Variants in SVEP1 observed in about 807,000 individuals in gnomAD.
The protein encoded by SVEP1 is sushi, von Willebrand factor type A, EGF and pentraxin domain-containing protein 1.
A neutral mutation model predicts 367.3 loss-of-function variants in SVEP1; 164 were observed. That is an observed-to-expected ratio of 0.45 (90% CI 0.39 to 0.51). The LOEUF is 0.51. Among genes scored for constraint, SVEP1 ranks in the 20% least tolerant of loss-of-function variants. SVEP1 has a pLI of 0.00. For missense variants in SVEP1, 4,117 were observed against 4,425.3 expected (o/e 0.93, Z 1.98); for synonymous variants, 1,666 against 1,611.6 (o/e 1.03, Z -0.81).
rs368509965 is a variant in SVEP1, at chr9:110,513,099, T to A, written c.1130A>T (p.His377Leu). ...RASGQTCELV[H>L]CPALKPPENG... Reference sequence around the variant, plus strand: ...TTCGGGAGGCTTCAGGGCAGGGCAGTGGACAACTAACATTTACAAAAATAA... The same window carrying A: ...TTCGGGAGGCTTCAGGGCAGGGCAGAGGACAACTAACATTTACAAAAATAA... Residue 377 changes from histidine to leucine, a missense_variant, in exon 5 of 48, where the codon CAC becomes CTC. His to Leu is a moderately conservative substitution (Grantham distance 99, BLOSUM62 -3). Transcript: ENST00000374469. 1.7e-5 allele frequency: 27 copies of A among 1,608,446 alleles called. No homozygotes were observed. The highest frequency in any genetic ancestry group is 3.4e-5 in the Admixed American group (2 of 59,370).
At chr9:110,393,389 A>T (rs1045895577) in intron 40 of SVEP1, among the ~76,000 whole-genome samples, 5 of 152,316 alleles carry the variant, frequency 3.3e-5, no homozygotes, top group Non-Finnish European at 7.3e-5. Flanking sequence ...TTAACAGAAA[A>T]GTGGCGATGA....
At position 110,407,344 on chromosome 9, in the gene SVEP1, A is replaced by G. The variant is rs1827971354; in HGVS notation, c.8256T>C (p.Ser2752=). The part of the protein sequence containing the change: ...SCKPGHILAG[S]DLRLCLENRK... ...TATTCTCTAGACAAAGCCTTAAGTC[A>G]GAGCCTGCTAGAATGTGTCCAGGTT... The change falls in exon 38 of 48, where the codon TCT becomes TCC. Residue 2752 remains serine (S), a synonymous_variant. Transcript: ENST00000374469. 5 of 1,614,016 alleles carry G rather than the reference A, an allele frequency of 3.1e-6. No homozygotes were observed. The highest frequency in any genetic ancestry group is 4.2e-6 in the Non-Finnish European group (5 of 1,179,884).
At chr9:110,399,182 C>T (rs1298227649) in intron 40 of SVEP1, among the ~76,000 whole-genome samples, 1 of 152,106 alleles carries the variant, frequency 6.6e-6, no homozygotes, top group Non-Finnish European at 1.5e-5. Context: ...ATGATGAGTT[C>T]ATGTCCCTTG....
rs140184273 is a variant in SVEP1, at chr9:110,403,604, G to A, written c.9666+723C>T. ...AGGCGTGAGCCACCGTGCCCGGCCCGATTCCCATTTTCAAACTAAAAGTGC... is the reference window on the plus strand; with the variant it reads ...AGGCGTGAGCCACCGTGCCCGGCCCAATTCCCATTTTCAAACTAAAAGTGC... On this transcript the variant is annotated intron_variant, in intron 39 of 47. Transcript: ENST00000374469. Among the ~76,000 whole-genome samples, 957 of 151,446 alleles carry A rather than the reference G, an allele frequency of 6.3e-3. 17 individuals are homozygous for A. Among genetic ancestry groups the A allele is most frequent in the Admixed American group, 0.015 (231 of 15,180 alleles).
intron 1 of SVEP1, among the ~76,000 whole-genome samples, chr9:110,557,750 CTAT>C (rs1830372822): frequency 6.6e-6 from 1 of 152,058 alleles, no homozygotes; most frequent in Non-Finnish European, 1.5e-5. Flanking sequence ...ATTTTGCTAT[CTAT>C]TATTATTAAT....
chr9:110,515,457 C>T (rs1237346349), intron 3 of SVEP1, among the ~76,000 whole-genome samples: 6 of 152,116 alleles, frequency 3.9e-5, no homozygotes, highest in Non-Finnish European at 5.9e-5. Flanking sequence ...CCCGCCACCA[C>T]GCCTGGCTAA....
chr9:110,523,955 G>C (rs1829910003), intron 3 of SVEP1, among the ~76,000 whole-genome samples: 2 of 152,004 alleles, frequency 1.3e-5, no homozygotes, highest in African/African-American at 4.8e-5. Context: ...GAGAAAAAGA[G>C]AGAAGGCACA....
chr9:110,373,971 A>AT (rs1415518446), intron 46 of SVEP1, among the ~76,000 whole-genome samples: 2 of 152,046 alleles, frequency 1.3e-5, no homozygotes, highest in African/African-American at 4.8e-5. Context: ...GTTTTGTAAT[A>AT]TTTTTCCATT....
At chr9:110,547,267 G>C (rs1320884072) in intron 2 of SVEP1, among the ~76,000 whole-genome samples, 1 of 152,174 alleles carries the variant, frequency 6.6e-6, no homozygotes, top group Non-Finnish European at 1.5e-5. Context: ...GTGGGTAAAA[G>C]ATCTGTAACA....
chr9:110,556,485 T>C (rs1039708803), intron 1 of SVEP1, among the ~76,000 whole-genome samples: 1 of 152,142 alleles, frequency 6.6e-6, no homozygotes, highest in African/African-American at 2.4e-5. Context: ...TAAAGTCTTT[T>C]TTTGTTGTTG....
rs755626589 is a variant in SVEP1, at chr9:110,479,786, T to C, written c.2366-30A>G. On this transcript the variant is annotated intron_variant, in intron 12 of 47. Transcript: ENST00000374469. ...AAAATGTTGGACAAAACAGCTTCAG[T>C]TGGTTAGTGTTTTTAAAACAAAGAT... The C allele has an allele frequency of 8.9e-6, 14 of 1,578,552 alleles. No individual in the cohort carries two copies. In the Middle Eastern group the frequency reaches 5.0e-4, roughly 56 times the overall value.
At chr9:110,557,785 C>T (rs1306563692) in intron 1 of SVEP1, among the ~76,000 whole-genome samples, 1 of 152,038 alleles carries the variant, frequency 6.6e-6, no homozygotes, top group Non-Finnish European at 1.5e-5. Context: ...AAGCTGATAA[C>T]CCACCCAAAT....
rs1046653 is a variant in SVEP1, at chr9:110,365,558, G to T, written c.*981C>A. On this transcript the variant is annotated 3_prime_UTR_variant, in exon 48 of 48. Transcript: ENST00000374469. The stretch of plus-strand genomic sequence containing the variant: ...CTTTATTTTCTGAAGTCTGGGGAAG[G>T]CTTCATCTTGGTACAATTGTTGTGA... 0.46 allele frequency: 69,810 copies of T among 151,836 alleles called. 16,545 individuals are homozygous for T. Among genetic ancestry groups the T allele is most frequent in the Middle Eastern group, 0.61 (179 of 294 alleles). 9.4% of individuals were successfully genotyped at this position (151,836 alleles called of 1,614,324 possible).
chr9:110,578,539 T>C (rs1483805294), intron 1 of SVEP1, among the ~76,000 whole-genome samples: 1 of 152,184 alleles, frequency 6.6e-6, no homozygotes, highest in Non-Finnish European at 1.5e-5. Context: ...TGACTTCCTC[T>C]TCCAGATATT....
At chr9:110,400,729 G>A in intron 40 of SVEP1, 125 bp downstream of exon 40, 1 of 1,084,026 alleles carries the variant, frequency 9.2e-7, no homozygotes, top group South Asian at 1.8e-5. Context: ...AGAGTATAAG[G>A]GAACAAAGTA....
chr9:110,446,032 G>C lies in SVEP1; in HGVS notation c.4268C>G (p.Ser1423Cys). The C allele has an allele frequency of 6.2e-7, 1 of 1,608,842 alleles. No individual in the cohort carries two copies. Residue 1423 changes from serine (S) to cysteine (C), a missense_variant, in exon 26 of 48, where the codon TCT becomes TGT. This residue lies in a region of SVEP1 where 2,174 missense variants were observed against 2,494.3 expected (regional missense o/e 0.87). Transcript: ENST00000374469. ...FSGKRCETEQ[S>C]TGFNLDFEVS... ...TTCAAAATCCAGGTTAAAGCCTGTA[G>C]ACTGTTCTGCAATGAATAAGAAAAG... is the stretch of plus-strand genomic sequence containing the variant.
At chr9:110,437,150 T>C (rs1211231393) in intron 27 of SVEP1, among the ~76,000 whole-genome samples, 1 of 152,072 alleles carries the variant, frequency 6.6e-6, no homozygotes, top group Non-Finnish European at 1.5e-5. Context: ...TGCCCCGTCT[T>C]CTCTTTGTTT....
chr9:110,511,422 TTTC>T (rs1829709222), intron 5 of SVEP1, among the ~76,000 whole-genome samples: 1 of 147,004 alleles, frequency 6.8e-6, no homozygotes, highest in Admixed American at 6.9e-5. Context: ...TTCAAATGAA[TTTC>T]TTGAGTTAGT....
In SVEP1 at chr9:110,408,768, C is replaced by T. The variant is rs542090185; in HGVS notation, c.6832G>A (p.Glu2278Lys). The change falls in exon 38 of 48, where the codon GAA (glutamate) becomes AAA (lysine). Residue 2278 changes from glutamate to lysine, a missense_variant. This residue lies in a region of SVEP1 where 1,765 missense variants were observed against 1,781.1 expected (regional missense o/e 0.99). Coordinates refer to ENST00000374469, the MANE Select transcript of SVEP1 (RefSeq NM_153366.4). ...PPIQNGFMKG[E>K]NFEVGSKVQF... ...ACCTTGGACCCTACTTCAAAGTTTT[C>T]TCCTTTCATGAAGCCATTCTGGATC... is the stretch of plus-strand genomic sequence containing the variant. The T allele has an allele frequency of 1.1e-5, 18 of 1,613,628 alleles. No homozygotes were observed. The South Asian group carries it at 1.9e-4, about 17-fold the overall frequency.
Sources: gnomAD v4.1 joint callset for allele counts (sites outside exome capture counted in the v4.1 genomes callset) on GRCh38, gnomAD v4.1.1 for gene constraint, gnomAD v4.1.1 regional missense constraint, MANE v1.5 for transcripts, NCBI Gene and HGNC (gene_info 2026-07-23, HGNC 2026-07-21) for gene names.